GRM5: variants seen among roughly 807,000 people sequenced by gnomAD.
GRM5 encodes glutamate metabotropic receptor 5.
GRM5 carries 19 observed loss-of-function variants against 83.1 expected under a neutral mutation model. The observed-to-expected ratio is 0.23, with a 90% CI of 0.16 to 0.34. The LOEUF is 0.34. GRM5 is among the 10% of genes least tolerant of loss of function. The pLI, the probability that GRM5 is intolerant of heterozygous loss-of-function variation, is 1.00. For missense variants in GRM5, 1,160 were observed against 1,588.3 expected (o/e 0.73, Z 4.58); for synonymous variants, 675 against 633.6 (o/e 1.07, Z -0.98).
intron 3 of GRM5, among the ~76,000 whole-genome samples, chr11:88,681,132 AATTTCACC>A (rs2135345447): frequency 6.6e-6 from 1 of 152,216 alleles, no homozygotes; most frequent in South Asian, 2.1e-4. Flanking sequence ...TTTCTCATTG[AATTTCACC>A]ATTTCACCCT....
intron 3 of GRM5, among the ~76,000 whole-genome samples, chr11:88,668,295 T>TCACACACACA (rs201662394): frequency 2.6e-4 from 21 of 81,658 alleles, no homozygotes; most frequent in African/African-American, 5.3e-4. Context: ...CCCCAGAAAC[T>TCACACACACA]CGCACACACA....
At chr11:88,870,857 T>C (rs1304996156) in intron 2 of GRM5, among the ~76,000 whole-genome samples, 1 of 151,500 alleles carries the variant, frequency 6.6e-6, no homozygotes, top group East Asian at 1.9e-4. Flanking sequence ...ACGCCAGAGC[T>C]TTTGCTCAGA....
chr11:88,724,498 C>T (rs887968554), intron 3 of GRM5, among the ~76,000 whole-genome samples: 1 of 152,140 alleles, frequency 6.6e-6, no homozygotes, highest in Non-Finnish European at 1.5e-5. Context: ...GGTAGGGTTG[C>T]ATCTATTTTA....
intron 7 of GRM5, among the ~76,000 whole-genome samples, chr11:88,579,415 T>C (rs1028711751): frequency 2.6e-5 from 4 of 152,082 alleles, no homozygotes; most frequent in African/African-American, 9.7e-5. Context: ...CATTAACACA[T>C]AAACAATATA....
At chr11:88,729,609 C>T (rs1408670797) in intron 3 of GRM5, among the ~76,000 whole-genome samples, 1 of 152,140 alleles carries the variant, frequency 6.6e-6, no homozygotes, top group Admixed American at 6.5e-5. Context: ...GAAAATCATG[C>T]TACCTGACTA....
rs969205945 is a variant in GRM5 at position 88,771,371 on chromosome 11, A to G, written c.911+78535T>C. On this transcript the variant is annotated intron_variant, in intron 3 of 9. Transcript: ENST00000305447. ...AGTCCAACAGCCTAAAAGTACGGAA[A>G]CTGACAATGGAGCCTTCATTCCACG... 1.3e-4 allele frequency among the ~76,000 whole-genome samples: 20 copies of G among 152,210 alleles called. No homozygotes were observed. The East Asian group carries it at 3.5e-3, about 26-fold the overall frequency.
At chr11:89,003,789 T>A (rs1211052632) in intron 2 of GRM5, among the ~76,000 whole-genome samples, 1 of 152,178 alleles carries the variant, frequency 6.6e-6, no homozygotes, top group African/African-American at 2.4e-5. Flanking sequence ...TAAATTTAAG[T>A]AAAGCCAGTC....
At chr11:88,870,363 G>A (rs574152356) in intron 2 of GRM5, among the ~76,000 whole-genome samples, 1 of 151,520 alleles carries the variant, frequency 6.6e-6, no homozygotes, top group Admixed American at 6.6e-5. Flanking sequence ...TTCTGGCAAA[G>A]GTTCATAAGG....
chr11:88,921,532 T>C (rs1590966087), intron 2 of GRM5, among the ~76,000 whole-genome samples: 2 of 151,924 alleles, frequency 1.3e-5, no homozygotes, highest in South Asian at 4.2e-4. Flanking sequence ...CTGGAGGCTA[T>C]GGCAGGAGAA....
At chr11:88,750,333 T>C (rs1181282851) in intron 3 of GRM5, among the ~76,000 whole-genome samples, 1 of 151,946 alleles carries the variant, frequency 6.6e-6, no homozygotes, top group Non-Finnish European at 1.5e-5. Context: ...AGATCAAAAA[T>C]GACAAATAAG....
chr11:88,992,359 A>G (rs1308876853), intron 2 of GRM5, among the ~76,000 whole-genome samples: 1 of 151,912 alleles, frequency 6.6e-6, no homozygotes, highest in Non-Finnish European at 1.5e-5. Flanking sequence ...TTAAAAAGTC[A>G]GGAAACAGCA....
chr11:89,055,622 A>G (rs1362764113), intron 1 of GRM5, among the ~76,000 whole-genome samples: 1 of 152,076 alleles, frequency 6.6e-6, no homozygotes, highest in Non-Finnish European at 1.5e-5. Context: ...AATTTTAATC[A>G]TAGTTTACAA....
intron 4 of GRM5, among the ~76,000 whole-genome samples, chr11:88,614,273 A>T (rs1938409071): frequency 6.6e-6 from 1 of 152,160 alleles, no homozygotes; most frequent in South Asian, 2.1e-4. Flanking sequence ...TCATCTGCTA[A>T]ATGATGACCC....
intron 3 of GRM5, among the ~76,000 whole-genome samples, chr11:88,664,656 A>T (rs1162885506): frequency 6.6e-6 from 1 of 152,072 alleles, no homozygotes; most frequent in East Asian, 1.9e-4. Flanking sequence ...CATGTTGGCC[A>T]GGCTGGTCTC....
At chr11:88,566,906 C>A in intron 8 of GRM5, 147 bp downstream of exon 8, 1 of 597,876 alleles carries the variant, frequency 1.7e-6, no homozygotes, top group South Asian at 2.2e-5. Context: ...CCATAAATAC[C>A]ATTTTATGAG....
chr11:88,984,245 T>C (rs1187266829), intron 2 of GRM5, among the ~76,000 whole-genome samples: 1 of 152,196 alleles, frequency 6.6e-6, no homozygotes, highest in Non-Finnish European at 1.5e-5. Flanking sequence ...GCTTCATTCA[T>C]GGTAAATGAC....
At chr11:88,981,640 T>G (rs1939528062) in intron 2 of GRM5, among the ~76,000 whole-genome samples, 2 of 152,126 alleles carry the variant, frequency 1.3e-5, no homozygotes, top group Admixed American at 1.3e-4. Flanking sequence ...CACCTTGCCA[T>G]AAACAACTGG....
chr11:88,737,133 C>G (rs1008270465), intron 3 of GRM5, among the ~76,000 whole-genome samples: 2 of 152,084 alleles, frequency 1.3e-5, no homozygotes, highest in Admixed American at 6.6e-5. Context: ...TTAAAGCTCA[C>G]ACTATGAAAA....
chr11:88,533,455 CTCTT>C (rs1413220170), intron 8 of GRM5, among the ~76,000 whole-genome samples: 1 of 152,208 alleles, frequency 6.6e-6, no homozygotes, highest in East Asian at 1.9e-4. Context: ...TACCACTCTA[CTCTT>C]TCTGTTACCA....
Sources: gnomAD v4.1 joint callset for allele counts (sites outside exome capture counted in the v4.1 genomes callset) on GRCh38, gnomAD v4.1.1 for gene constraint, MANE v1.5 for transcripts, NCBI Gene and HGNC (gene_info 2026-07-23, HGNC 2026-07-21) for gene names.